NKAIN2: variants seen among roughly 807,000 people sequenced by gnomAD.
NKAIN2 encodes the protein sodium/potassium-transporting ATPase subunit beta-1-interacting protein 2.
In NKAIN2, 14 loss-of-function variants were observed where a neutral mutation model predicts 32.6. The ratio of observed to expected loss-of-function variants is 0.43; its 90% confidence interval spans 0.28 to 0.67. The LOEUF (loss-of-function observed/expected upper bound fraction) is 0.67. Among genes scored for constraint, NKAIN2 ranks in the 30% least tolerant of loss-of-function variants. The pLI is 0.17. For synonymous variants in NKAIN2, 80 were observed against 87.2 expected (o/e 0.92, Z 0.46); for missense variants, 198 against 258.3 (o/e 0.77, Z 1.60).
intron 3 of NKAIN2, among the ~76,000 whole-genome samples, chr6:124,486,520 T>C (rs2114713285): frequency 6.6e-6 from 1 of 152,338 alleles, no homozygotes; most frequent in Non-Finnish European, 1.5e-5. Context: ...TGTTTTATTC[T>C]AAAATAACTT....
intron 2 of NKAIN2, among the ~76,000 whole-genome samples, chr6:124,288,656 G>A (rs867049278): frequency 1.3e-5 from 2 of 152,030 alleles, no homozygotes; most frequent in South Asian, 2.1e-4. Flanking sequence ...ATATGCATAT[G>A]TACACATTCA....
intron 1 of NKAIN2, among the ~76,000 whole-genome samples, chr6:124,254,398 G>A (rs1054185691): frequency 1.3e-5 from 2 of 152,178 alleles, no homozygotes; most frequent in African/African-American, 4.8e-5. Context: ...TGAAGAGACT[G>A]GCTTTTAGGA....
rs142119493 is a variant in NKAIN2, at chr6:124,665,662, T to G, written c.474+7276T>G. Among the ~76,000 whole-genome samples the G allele has an allele frequency of 1.6e-3, 242 of 152,302 alleles. 2 individuals are homozygous for G. The highest frequency in any genetic ancestry group is 5.7e-3 in the African/African-American group (235 of 41,582). On this transcript the variant is annotated intron_variant, in intron 4 of 6. Transcript: ENST00000368417. ...CAGAAATATTAGTGCCTTCCCTTTCTCTTCACTACTGATTCTTCTATGTCC... is the reference window on the plus strand; with the variant it reads ...CAGAAATATTAGTGCCTTCCCTTTCGCTTCACTACTGATTCTTCTATGTCC...
intron 1 of NKAIN2, among the ~76,000 whole-genome samples, chr6:123,965,171 T>C (rs973119891): frequency 3.3e-5 from 5 of 152,092 alleles, no homozygotes; most frequent in African/African-American, 1.2e-4. Context: ...ATCCTACCCA[T>C]GCCCATCCTT....
chr6:124,203,289 G>C (rs1379190390), intron 1 of NKAIN2, among the ~76,000 whole-genome samples: 2 of 151,760 alleles, frequency 1.3e-5, no homozygotes, highest in Non-Finnish European at 2.9e-5. Context: ...TTTTAGAGTA[G>C]AGAATAACTG....
intron 2 of NKAIN2, among the ~76,000 whole-genome samples, chr6:124,317,320 A>G (rs1583038756): frequency 6.6e-6 from 1 of 152,232 alleles, no homozygotes; most frequent in East Asian, 1.9e-4. Flanking sequence ...TTAAGGTTCC[A>G]CCATATTGCA....
chr6:124,803,284 C>T (rs1411241449), intron 5 of NKAIN2, among the ~76,000 whole-genome samples: 1 of 152,192 alleles, frequency 6.6e-6, no homozygotes, highest in Non-Finnish European at 1.5e-5. Context: ...CTTCTTGCAA[C>T]CCTGCCCAAA....
intron 1 of NKAIN2, among the ~76,000 whole-genome samples, chr6:123,834,726 A>G (rs893751443): frequency 1.3e-5 from 2 of 152,154 alleles, no homozygotes; most frequent in African/African-American, 4.8e-5. Flanking sequence ...TGATTTAGTA[A>G]GTTGAGGTTC....
intron 3 of NKAIN2, among the ~76,000 whole-genome samples, chr6:124,594,269 G>T (rs1477450467): frequency 2.0e-5 from 3 of 152,186 alleles, no homozygotes; most frequent in South Asian, 4.1e-4. Flanking sequence ...TAAATAGAGT[G>T]CAATGATGAT....
intron 1 of NKAIN2, among the ~76,000 whole-genome samples, chr6:123,809,338 T>C (rs1023783886): frequency 2.9e-3 from 16 of 5,474 alleles, no homozygotes; most frequent in African/African-American, 9.6e-3. Flanking sequence ...TATGTAGGGC[T>C]ACCTTTTTTC....
intron 5 of NKAIN2, among the ~76,000 whole-genome samples, chr6:124,796,088 C>G (rs982213851): frequency 7.2e-5 from 11 of 152,062 alleles, no homozygotes; most frequent in African/African-American, 2.7e-4. Flanking sequence ...CTGTACCTAC[C>G]AGGGGATGAC....
intron 1 of NKAIN2, among the ~76,000 whole-genome samples, chr6:124,179,914 T>G (rs1323025944): frequency 6.6e-6 from 1 of 152,222 alleles, no homozygotes; most frequent in African/African-American, 2.4e-5. Flanking sequence ...TGAAGCTTTA[T>G]TTTCTGTAAG....
At chr6:123,996,287 G>A (rs1779619034) in intron 1 of NKAIN2, among the ~76,000 whole-genome samples, 1 of 129,040 alleles carries the variant, frequency 7.7e-6, no homozygotes, top group Admixed American at 7.8e-5. Flanking sequence ...GCTTTTAAAA[G>A]ATTATTTATT....
intron 1 of NKAIN2, among the ~76,000 whole-genome samples, chr6:124,024,523 G>T (rs973740047): frequency 2.0e-5 from 3 of 152,060 alleles, no homozygotes; most frequent in African/African-American, 7.2e-5. Flanking sequence ...TTCACATAAG[G>T]ATATACAGGA....
chr6:124,351,456 G>A (rs1798723722), intron 2 of NKAIN2, among the ~76,000 whole-genome samples: 1 of 150,186 alleles, frequency 6.7e-6, no homozygotes, highest in Non-Finnish European at 1.5e-5. Flanking sequence ...AGTGATCCAA[G>A]GCCACTGCCT....
At chr6:124,637,748 T>TA (rs1158747240) in intron 3 of NKAIN2, among the ~76,000 whole-genome samples, 1 of 151,884 alleles carries the variant, frequency 6.6e-6, no homozygotes, top group African/African-American at 2.4e-5. Flanking sequence ...AACACCGATT[T>TA]AAAAAATTAA....
At chr6:124,754,281 G>T (rs1777859676) in intron 4 of NKAIN2, among the ~76,000 whole-genome samples, 2 of 152,034 alleles carry the variant, frequency 1.3e-5, no homozygotes, top group Admixed American at 1.3e-4. Context: ...AATGCTAACA[G>T]CAAACTGAAC....
intron 1 of NKAIN2, among the ~76,000 whole-genome samples, chr6:124,155,381 T>A (rs1228033781): frequency 6.6e-6 from 1 of 152,102 alleles, no homozygotes; most frequent in African/African-American, 2.4e-5. Flanking sequence ...ATCTGATCGC[T>A]GTACATCATA....
chr6:124,523,850 A>G (rs1488211203), intron 3 of NKAIN2, among the ~76,000 whole-genome samples: 6 of 152,176 alleles, frequency 3.9e-5, no homozygotes, highest in African/African-American at 1.4e-4. Flanking sequence ...TTTATTACCT[A>G]TATTTAAAAT....
Sources: allele counts gnomAD v4.1 joint callset (sites outside exome capture counted in the v4.1 genomes callset), GRCh38; gene constraint gnomAD v4.1.1; transcripts MANE v1.5; gene names NCBI Gene and HGNC (gene_info 2026-07-23, HGNC 2026-07-21).